The following CDYL2 variants were observed in gnomAD, a reference collection of about 807,000 sequenced individuals.
CDYL2 encodes chromodomain Y-like protein 2.
Under a neutral mutation model 49.4 loss-of-function variants are expected in CDYL2, and 23 were observed. The ratio of observed to expected loss-of-function variants is 0.47; its 90% confidence interval spans 0.34 to 0.66. CDYL2 has a LOEUF of 0.66. Ranked by LOEUF, CDYL2 falls within the 30% of genes least tolerant of loss-of-function variation. The pLI is 0.01. For synonymous variants in CDYL2, 360 were observed against 268.8 expected (o/e 1.34, Z -3.32); for missense variants, 678 against 656.4 (o/e 1.03, Z -0.36).
At chr16:80,751,487 C>CA (rs1906135699) in intron 1 of CDYL2, among the ~76,000 whole-genome samples, 1 of 152,156 alleles carries the variant, frequency 6.6e-6, no homozygotes, top group African/African-American at 2.4e-5. Context: ...GGAGAGCTTT[C>CA]AACAGTTTTA....
At chr16:80,710,831 C>A (rs1447250282) in intron 1 of CDYL2, among the ~76,000 whole-genome samples, 1 of 152,106 alleles carries the variant, frequency 6.6e-6, no homozygotes, top group Non-Finnish European at 1.5e-5. Context: ...TGCTAATTTT[C>A]GGTTTTGTTA....
chr16:80,669,133 A>AT (rs1004438176), intron 2 of CDYL2, among the ~76,000 whole-genome samples: 32 of 151,264 alleles, frequency 2.1e-4, no homozygotes, highest in African/African-American at 7.5e-4. Context: ...GCAGTAAAAG[A>AT]TTTTTTTTTA....
At chr16:80,631,789 T>A (rs1907574147) in intron 3 of CDYL2, among the ~76,000 whole-genome samples, 1 of 152,150 alleles carries the variant, frequency 6.6e-6, no homozygotes, top group African/African-American at 2.4e-5. Flanking sequence ...CATGAAAAGA[T>A]GCTCAACATG....
intron 1 of CDYL2, among the ~76,000 whole-genome samples, chr16:80,785,220 G>A (rs905455769): frequency 3.9e-5 from 6 of 152,112 alleles, no homozygotes; most frequent in Admixed American, 6.6e-5. Flanking sequence ...AAACCCCATC[G>A]TCTCAGCCCA....
chr16:80,651,854 A>G (rs1908597869), intron 2 of CDYL2, among the ~76,000 whole-genome samples: 1 of 152,210 alleles, frequency 6.6e-6, no homozygotes, highest in Non-Finnish European at 1.5e-5. Flanking sequence ...TTATACTTGT[A>G]TACTGGAATT....
In CDYL2 at chr16:80,599,525, C is replaced by T. The variant is rs1168355204; in HGVS notation, c.*4863G>A. The T allele has an allele frequency of 6.6e-6, 1 of 152,212 alleles. No individual in the cohort carries two copies. The highest frequency in any genetic ancestry group is 2.4e-5 in the African/African-American group (1 of 41,458). 9.4% of individuals were successfully genotyped at this position (152,212 alleles called of 1,614,324 possible). A position where few individuals can be genotyped will look rare whatever the true frequency, so the allele number is the denominator to read the frequency against. On this transcript the variant is annotated 3_prime_UTR_variant, in exon 7 of 7. Coordinates refer to ENST00000570137, the MANE Select transcript of CDYL2 (RefSeq NM_152342.4). ...TTTAGTTTGCCTTTGTCCTGCTAAA[C>T]TCCAGTTTAGTATGGCTTGATACAC... is the stretch of plus-strand genomic sequence containing the variant.
chr16:80,756,519 G>A (rs749992624), intron 1 of CDYL2, among the ~76,000 whole-genome samples: 1 of 152,006 alleles, frequency 6.6e-6, no homozygotes, highest in Admixed American at 6.6e-5. Flanking sequence ...GAACACAACT[G>A]ACAATAAAAA....
At chr16:80,778,480 T>C (rs1179428383) in intron 1 of CDYL2, among the ~76,000 whole-genome samples, 1 of 151,920 alleles carries the variant, frequency 6.6e-6, no homozygotes, top group Non-Finnish European at 1.5e-5. Context: ...AACTGAATTA[T>C]AAAACCCTCT....
At chr16:80,780,457 T>C (rs1907227257) in intron 1 of CDYL2, among the ~76,000 whole-genome samples, 1 of 140,752 alleles carries the variant, frequency 7.1e-6, no homozygotes, top group Non-Finnish European at 1.5e-5. Flanking sequence ...CAGGCTGGAG[T>C]GCAGTGGCAC....
intron 1 of CDYL2, among the ~76,000 whole-genome samples, chr16:80,780,567 G>C (rs1238605893): frequency 2.0e-5 from 3 of 151,638 alleles, no homozygotes; most frequent in Non-Finnish European, 4.4e-5. Flanking sequence ...ACCATGCCTG[G>C]CTAATTTTTT....
chr16:80,659,106 C>T (rs979376356), intron 2 of CDYL2, among the ~76,000 whole-genome samples: 151 of 143,758 alleles, frequency 1.1e-3, no homozygotes, highest in African/African-American at 4.1e-3. Context: ...GATGGACAGA[C>T]GGATGGATGG....
At chr16:80,647,320 A>T (rs1441656519) in intron 2 of CDYL2, among the ~76,000 whole-genome samples, 1 of 152,138 alleles carries the variant, frequency 6.6e-6, no homozygotes, top group Non-Finnish European at 1.5e-5. Context: ...TCCCTCTCAA[A>T]ATACCAATAA....
chr16:80,605,673 A>G (rs1311107760), intron 6 of CDYL2, among the ~76,000 whole-genome samples: 7 of 151,828 alleles, frequency 4.6e-5, no homozygotes, highest in Non-Finnish European at 7.4e-5. Context: ...AGTAATAATC[A>G]TAGTAGTGAG....
At chr16:80,736,251 G>T (rs1905524225) in intron 1 of CDYL2, 1 of 152,230 alleles carries the variant, frequency 6.6e-6, no homozygotes, top group African/African-American at 2.4e-5. Context: ...TAACGAACAT[G>T]TTCTCATTTG....
At chr16:80,792,568 G>A (rs1174822667) in intron 1 of CDYL2, among the ~76,000 whole-genome samples, 1 of 152,150 alleles carries the variant, frequency 6.6e-6, no homozygotes, top group Non-Finnish European at 1.5e-5. Context: ...ATGTTTTCAA[G>A]GGAAGCACCA....
chr16:80,765,841 G>A (rs531612565), intron 1 of CDYL2, among the ~76,000 whole-genome samples: 51 of 112,518 alleles, frequency 4.5e-4, no homozygotes, highest in African/African-American at 1.8e-3. Flanking sequence ...AGGAGTTTGA[G>A]ACCAGCCTGG....
rs373162559 is a variant in CDYL2, at chr16:80,761,601, G to A, written c.24+42549C>T. ...GAGCCTTTTCAACACATCATCCTTT[G>A]CAATTGTTGAATCAATAGATCTGAG... On this transcript the variant is annotated intron_variant, in intron 1 of 6. Transcript: ENST00000570137. 4.5e-4 allele frequency among the ~76,000 whole-genome samples: 68 copies of A among 152,202 alleles called. No homozygotes were observed. In the Middle Eastern group the frequency reaches 0.01, roughly 23 times the overall value.
chr16:80,618,973 A>C (rs1425881427), intron 4 of CDYL2, among the ~76,000 whole-genome samples: 1 of 152,188 alleles, frequency 6.6e-6, no homozygotes, highest in Non-Finnish European at 1.5e-5. Flanking sequence ...ATTCTCTCAT[A>C]GTTCTGGAGA....
At chr16:80,710,848 A>T (rs1261806227) in intron 1 of CDYL2, among the ~76,000 whole-genome samples, 1 of 152,250 alleles carries the variant, frequency 6.6e-6, no homozygotes, top group Non-Finnish European at 1.5e-5. Flanking sequence ...GTTAAAAATC[A>T]GAAATAGTTC....
Sources: gnomAD v4.1 joint callset for allele counts (sites outside exome capture counted in the v4.1 genomes callset) on GRCh38, gnomAD v4.1.1 for gene constraint, MANE v1.5 for transcripts, NCBI Gene and HGNC (gene_info 2026-07-23, HGNC 2026-07-21) for gene names.